Variants in CTNNA3 observed in about 807,000 individuals in gnomAD.
CTNNA3 encodes the protein catenin alpha 3.
In CTNNA3, 76 loss-of-function variants were observed where a neutral mutation model predicts 95.7. That is an observed-to-expected ratio of 0.79 (90% CI 0.66 to 0.96). CTNNA3 has a LOEUF of 0.96. Among genes scored for constraint, CTNNA3 ranks in the 40% least tolerant of loss-of-function variants. CTNNA3 has a pLI of 0.00. For missense variants in CTNNA3, 1,191 were observed against 1,089.8 expected, an observed-to-expected ratio of 1.09 and a Z score of -1.31; for synonymous variants, 431 against 374.4, an observed-to-expected ratio of 1.15 and a Z score of -1.74.
intron 15 of CTNNA3, among the ~76,000 whole-genome samples, chr10:66,061,305 A>C (rs2133571374): frequency 6.6e-6 from 1 of 152,278 alleles, no homozygotes; most frequent in Middle Eastern, 3.4e-3. Flanking sequence ...TTCATGTGCC[A>C]ATACTCAGAA....
chr10:66,484,232 A>C (rs181967836), intron 11 of CTNNA3, among the ~76,000 whole-genome samples: 1 of 148,098 alleles, frequency 6.8e-6, no homozygotes, highest in Admixed American at 6.6e-5. Context: ...ATTTTAAAAT[A>C]TTTCAGTTTA....
intron 13 of CTNNA3, among the ~76,000 whole-genome samples, chr10:66,238,224 A>G (rs2089950768): frequency 6.6e-6 from 1 of 152,014 alleles, no homozygotes; most frequent in Non-Finnish European, 1.5e-5. Flanking sequence ...GATCTTACTG[A>G]GGCGGGGAGA....
intron 9 of CTNNA3, among the ~76,000 whole-genome samples, chr10:66,640,117 TTTCA>T (rs1208684811): frequency 1.3e-5 from 2 of 152,178 alleles, no homozygotes. Context: ...AAATACACAT[TTTCA>T]GTGTGGCAGA....
At chr10:66,808,615 A>G (rs768629856) in intron 7 of CTNNA3, among the ~76,000 whole-genome samples, 4 of 152,188 alleles carry the variant, frequency 2.6e-5, no homozygotes, top group Admixed American at 6.6e-5. Flanking sequence ...AAAAATGAAC[A>G]ATTCATAAGT....
intron 5 of CTNNA3, among the ~76,000 whole-genome samples, chr10:67,364,617 C>T (rs577695477): frequency 1.3e-5 from 2 of 152,234 alleles, no homozygotes; most frequent in African/African-American, 4.8e-5. Flanking sequence ...GAGTGAACTC[C>T]CATTCACAAT....
intron 6 of CTNNA3, among the ~76,000 whole-genome samples, chr10:67,195,980 A>T (rs1163328959): frequency 7.8e-6 from 1 of 127,846 alleles, no homozygotes; most frequent in East Asian, 2.0e-4. Context: ...ATAATCAAGT[A>T]CCAACATTCT....
chr10:67,275,109 G>C (rs1839137810), intron 5 of CTNNA3, among the ~76,000 whole-genome samples: 1 of 152,108 alleles, frequency 6.6e-6, no homozygotes, highest in Non-Finnish European at 1.5e-5. Context: ...AATAATAGTA[G>C]CAACGCATAT....
At chr10:66,486,487 A>G (rs1031372264) in intron 11 of CTNNA3, among the ~76,000 whole-genome samples, 4 of 152,158 alleles carry the variant, frequency 2.6e-5, no homozygotes, top group Non-Finnish European at 5.9e-5. Flanking sequence ...CAAAGCCACG[A>G]TAAGATATTA....
At chr10:66,056,146 GC>G (rs1425020619) in intron 15 of CTNNA3, among the ~76,000 whole-genome samples, 1 of 152,016 alleles carries the variant, frequency 6.6e-6, no homozygotes, top group Non-Finnish European at 1.5e-5. Flanking sequence ...TCAGTGTGAT[GC>G]TAGCTGTGGG....
In CTNNA3 at chr10:66,867,035, T is replaced by C. The variant is rs150776200; in HGVS notation, c.1048-91511A>G. On this transcript the variant is annotated intron_variant, in intron 7 of 17. Transcript: ENST00000433211. ...CCCTTGGCTCTCATTTTCTCTCTTG[T>C]CTGCTGCCATGTAAGATGTGCCTTT... Among the ~76,000 whole-genome samples, 817 of 152,254 alleles carry C rather than the reference T, an allele frequency of 5.4e-3. 10 individuals carry two copies. The highest frequency in any genetic ancestry group is 0.018 in the African/African-American group (766 of 41,538).
chr10:67,562,044 A>G (rs560107139), intron 3 of CTNNA3, among the ~76,000 whole-genome samples: 2 of 152,260 alleles, frequency 1.3e-5, no homozygotes, highest in East Asian at 1.9e-4. Flanking sequence ...ATTCACAGCC[A>G]AATTCTACCA....
chr10:66,520,289 T>A (rs1841013416), intron 11 of CTNNA3, among the ~76,000 whole-genome samples: 1 of 143,692 alleles, frequency 7.0e-6, no homozygotes, highest in Admixed American at 7.3e-5. Flanking sequence ...TCTAGCTCTG[T>A]TGCCCAGGCT....
intron 5 of CTNNA3, among the ~76,000 whole-genome samples, chr10:67,391,359 G>A (rs1844474428): frequency 6.6e-6 from 1 of 150,472 alleles, no homozygotes; most frequent in African/African-American, 2.4e-5. Context: ...GGATGTGAAG[G>A]ACCTCTTCAA....
At chr10:66,017,409 A>G (rs924513038) in intron 15 of CTNNA3, among the ~76,000 whole-genome samples, 1 of 152,172 alleles carries the variant, frequency 6.6e-6, no homozygotes, top group Non-Finnish European at 1.5e-5. Flanking sequence ...TACTATTAGT[A>G]GACTTGAAAC....
intron 9 of CTNNA3, among the ~76,000 whole-genome samples, chr10:66,624,614 C>T (rs1844868944): frequency 6.6e-6 from 1 of 151,984 alleles, no homozygotes; most frequent in Admixed American, 6.6e-5. Flanking sequence ...ATTATGTATG[C>T]CCTACTGAAA....
chr10:66,716,818 T>C (rs971026045), intron 9 of CTNNA3, among the ~76,000 whole-genome samples: 7 of 152,158 alleles, frequency 4.6e-5, no homozygotes, highest in Admixed American at 2.0e-4. Context: ...ACATTTGCAG[T>C]GCGTCACCCG....
At chr10:66,360,663 C>CTT (rs1394184757) in intron 12 of CTNNA3, among the ~76,000 whole-genome samples, 576 of 28,496 alleles carry the variant, frequency 0.02, 7 homozygotes, top group African/African-American at 0.057. Flanking sequence ...TTCTTTCTTC[C>CTT]TTCCTTCCTT....
At chr10:67,104,397 G>A (rs558062106) in intron 7 of CTNNA3, among the ~76,000 whole-genome samples, 6 of 151,924 alleles carry the variant, frequency 3.9e-5, no homozygotes, top group Admixed American at 3.9e-4. Flanking sequence ...TTATAATAAG[G>A]CAGACTCTAC....
At chr10:67,068,749 G>T (rs1232159031) in intron 7 of CTNNA3, among the ~76,000 whole-genome samples, 2 of 152,144 alleles carry the variant, frequency 1.3e-5, no homozygotes, top group Non-Finnish European at 2.9e-5. Context: ...TCCTAGAGTG[G>T]TCAGTGATTA....
Sources: gnomAD v4.1 joint callset for allele counts (sites outside exome capture counted in the v4.1 genomes callset) on GRCh38, gnomAD v4.1.1 for gene constraint, MANE v1.5 for transcripts, NCBI Gene and HGNC (gene_info 2026-07-23, HGNC 2026-07-21) for gene names.